ADARB2: variants seen among roughly 807,000 people sequenced by gnomAD.
The protein encoded by ADARB2 is adenosine deaminase RNA specific B2 (inactive).
A neutral mutation model predicts 62.2 loss-of-function variants in ADARB2; 25 were observed. The ratio of observed to expected loss-of-function variants is 0.40; its 90% CI spans 0.29 to 0.56. The LOEUF (loss-of-function observed/expected upper bound fraction) is 0.56, where lower values mean the gene tolerates loss of function less well. Ranked by LOEUF, ADARB2 falls within the 20% of genes least tolerant of loss-of-function variation. ADARB2 has a pLI of 0.43. For missense variants in ADARB2, 1,071 were observed against 1,077.4 expected, an observed-to-expected ratio of 0.99 and a Z score of 0.08; for synonymous variants, 572 against 500.8, an observed-to-expected ratio of 1.14 and a Z score of -1.90.
In ADARB2 at chr10:1,363,353, T is replaced by C. The variant is rs1344440023; in HGVS notation, c.752A>G (p.Tyr251Cys). The change falls in exon 3 of 10, where the codon TAC becomes TGC. Residue 251 changes from tyrosine to cysteine, a missense_variant. Physicochemically the swap from Tyr to Cys is radical, Grantham distance 194. Coordinates refer to ENST00000381312, the MANE Select transcript of ADARB2 (RefSeq NM_018702.4). ...GCGGCACAGCAGCCGCCGTCGCCCG[T>C]AGGCCGCGGACAGAAGCGCGGCGTC... ...PGDAALLSAA[Y>C]GRRRLLCRAL... The C allele has an allele frequency of 9.4e-6, 12 of 1,277,740 alleles. No individual in the cohort carries two copies. The highest frequency in any genetic ancestry group is 1.6e-5 in the African/African-American group (1 of 63,664). 79.2% of individuals were successfully genotyped at this position (1,277,740 alleles called of 1,614,324 possible). A position where few individuals can be genotyped will look rare whatever the true frequency, so the allele number is the denominator to read the frequency against.
chr10:1,376,795 G>A (rs1307244657), intron 2 of ADARB2, among the ~76,000 whole-genome samples: 1 of 150,406 alleles, frequency 6.6e-6, no homozygotes, highest in Non-Finnish European at 1.5e-5. Context: ...GTGTGGAAGA[G>A]GAGGAAACAG....
intron 3 of ADARB2, among the ~76,000 whole-genome samples, chr10:1,347,128 C>G (rs140848395): frequency 3.3e-5 from 5 of 152,320 alleles, no homozygotes; most frequent in Admixed American, 3.3e-4. Flanking sequence ...CCATTCCCTT[C>G]GGTTCTGCTC....
chr10:1,472,525 A>T, intron 1 of ADARB2, among the ~76,000 whole-genome samples: 1 of 152,312 alleles, frequency 6.6e-6, no homozygotes, highest in East Asian at 1.9e-4. Context: ...CTTCCTCACC[A>T]TGCTGGGGAC....
intron 3 of ADARB2, chr10:1,361,725 C>T (rs926398958): frequency 3.9e-5 from 6 of 152,150 alleles, no homozygotes; most frequent in Admixed American, 2.0e-4. Flanking sequence ...GTCTGAGGTT[C>T]GAGTGGGACC....
chr10:1,651,176 G>C lies in ADARB2; in HGVS notation c.100+85875C>G, dbSNP rs79512254. Among the ~76,000 whole-genome samples the C allele has an allele frequency of 8.7e-3, 1,322 of 152,312 alleles. 16 individuals carry two copies. The highest frequency in any genetic ancestry group is 0.046 in the East Asian group (236 of 5,172). On this transcript the variant is annotated intron_variant, in intron 1 of 9. Transcript: ENST00000381312. Reference sequence around the variant, plus strand: ...CAATATCAGAGCAGGGACAGTTCTCGCCACAGCGTCCTCCAGATGGGCCCA... The same window carrying C: ...CAATATCAGAGCAGGGACAGTTCTCCCCACAGCGTCCTCCAGATGGGCCCA...
chr10:1,375,882 C>G (rs1232329624), intron 2 of ADARB2, among the ~76,000 whole-genome samples: 2 of 151,178 alleles, frequency 1.3e-5, no homozygotes, highest in Admixed American at 1.3e-4. Context: ...TGCATGTGAA[C>G]TCCCACACCA....
intron 1 of ADARB2, among the ~76,000 whole-genome samples, chr10:1,394,094 C>T (rs1458411434): frequency 6.6e-6 from 1 of 152,158 alleles, no homozygotes; most frequent in Non-Finnish European, 1.5e-5. Context: ...GAAGAGAAAG[C>T]GCAGAGCCAT....
intron 1 of ADARB2, among the ~76,000 whole-genome samples, chr10:1,557,136 C>T (rs1031927209): frequency 4.4e-5 from 4 of 89,930 alleles, no homozygotes; most frequent in African/African-American, 1.8e-4. Flanking sequence ...GTCCATGGCG[C>T]CCCCCGTCTT....
At chr10:1,689,252 A>G (rs2119124418) in intron 1 of ADARB2, among the ~76,000 whole-genome samples, 1 of 152,284 alleles carries the variant, frequency 6.6e-6, no homozygotes, top group Non-Finnish European at 1.5e-5. Flanking sequence ...CAGCTGAGGC[A>G]TTTGATGAGA....
At chr10:1,581,460 C>T (rs983373903) in intron 1 of ADARB2, among the ~76,000 whole-genome samples, 2 of 152,204 alleles carry the variant, frequency 1.3e-5, no homozygotes, top group African/African-American at 2.4e-5. Flanking sequence ...GGAGCCTGGG[C>T]CCTGGAGCCA....
chr10:1,257,492 T>C (rs959560564), intron 4 of ADARB2, among the ~76,000 whole-genome samples: 6 of 152,146 alleles, frequency 3.9e-5, no homozygotes, highest in African/African-American at 1.4e-4. Context: ...GCCCATCCCC[T>C]CTCTAACCTG....
chr10:1,233,553 T>C lies in ADARB2; in HGVS notation c.1513+141A>G, dbSNP rs1259305773. On this transcript the variant is annotated intron_variant, in intron 6 of 9. Transcript: ENST00000381312. ...TTTGGAGGCATGGTTATCCCACTAA[T>C]TGTAGACTCAATCCCCTTCCAGTAC... The C allele has an allele frequency of 4.5e-6, 4 of 881,466 alleles. No individual in the cohort carries two copies. In the African/African-American group the frequency reaches 5.1e-5, roughly 11 times the overall value. 54.6% of individuals were successfully genotyped at this position (881,466 alleles called of 1,614,324 possible).
chr10:1,729,110 C>A (rs1483771736), intron 1 of ADARB2, among the ~76,000 whole-genome samples: 2 of 152,126 alleles, frequency 1.3e-5, no homozygotes, highest in Non-Finnish European at 2.9e-5. Flanking sequence ...CCTGGATAGT[C>A]CTTTAAAAAG....
intron 1 of ADARB2, among the ~76,000 whole-genome samples, chr10:1,517,347 G>A (rs1349317857): frequency 6.6e-6 from 1 of 152,134 alleles, no homozygotes; most frequent in African/African-American, 2.4e-5. Flanking sequence ...TAAAAGCAAA[G>A]CAAGGTAGAG....
intron 1 of ADARB2, among the ~76,000 whole-genome samples, chr10:1,457,312 C>T (rs1181543062): frequency 6.6e-6 from 1 of 152,144 alleles, no homozygotes; most frequent in Non-Finnish European, 1.5e-5. Flanking sequence ...ACACCAGTGT[C>T]CACCTCTAAC....
chr10:1,578,919 C>T (rs953419682), intron 1 of ADARB2, among the ~76,000 whole-genome samples: 13 of 152,142 alleles, frequency 8.5e-5, no homozygotes, highest in African/African-American at 9.7e-5. Flanking sequence ...TGAGGCTGGG[C>T]GCTGGGGTCT....
At position 1,554,797 on chromosome 10, in the gene ADARB2, G is replaced by A. The variant is rs1444558249; in HGVS notation, c.101-175637C>T. ...AGGTACGTGTGCAGGTTGTTACCGGGGTATACTGTGTGACGCTGAGGTTTG... is the reference window on the plus strand; with the variant it reads ...AGGTACGTGTGCAGGTTGTTACCGGAGTATACTGTGTGACGCTGAGGTTTG... On this transcript the variant is annotated intron_variant, in intron 1 of 9. Transcript: ENST00000381312. 2.0e-5 allele frequency among the ~76,000 whole-genome samples: 3 copies of A among 152,162 alleles called. No individual in the cohort carries two copies. In the Middle Eastern group the frequency reaches 0.01, roughly 518 times the overall value.
chr10:1,523,267 C>T (rs984404583), intron 1 of ADARB2, among the ~76,000 whole-genome samples: 7 of 152,062 alleles, frequency 4.6e-5, no homozygotes, highest in African/African-American at 1.2e-4. Context: ...AGATATGTAA[C>T]GTAGGCAGTG....
chr10:1,254,426 A>C (rs1194153758), intron 4 of ADARB2, among the ~76,000 whole-genome samples: 1 of 152,200 alleles, frequency 6.6e-6, no homozygotes, highest in Non-Finnish European at 1.5e-5. Context: ...AAAAGATGTC[A>C]AGCAAGTTTT....
Sources: allele counts gnomAD v4.1 joint callset (sites outside exome capture counted in the v4.1 genomes callset), GRCh38; gene constraint gnomAD v4.1.1; transcripts MANE v1.5; gene names NCBI Gene and HGNC (gene_info 2026-07-23, HGNC 2026-07-21).